Variants in PCDHA9 observed in about 807,000 individuals in gnomAD.
PCDHA9 encodes the protein protocadherin alpha-9.
PCDHA9 carries 62 observed loss-of-function variants against 62.0 expected under a neutral mutation model. That is an observed-to-expected ratio of 1.00 (90% CI 0.81 to 1.23). The LOEUF is 1.23. PCDHA9 is among the 50% of genes most tolerant of loss of function. PCDHA9 has a pLI of 0.00. For synonymous variants in PCDHA9, 557 were observed against 567.6 expected (o/e 0.98, Z 0.27); for missense variants, 1,205 against 1,249.8 (o/e 0.96, Z 0.54).
chr5:140,865,649 T>C (rs781986812), intron 1 of PCDHA9: 5 of 152,204 alleles, frequency 3.3e-5, no homozygotes, highest in Non-Finnish European at 5.9e-5. Flanking sequence ...AATACATTAT[T>C]TCATTTAATA....
chr5:140,919,847 G>A (rs1309572866), intron 1 of PCDHA9, among the ~76,000 whole-genome samples: 1 of 152,200 alleles, frequency 6.6e-6, no homozygotes, highest in East Asian at 1.9e-4. Flanking sequence ...TTTGGAACCT[G>A]TGACCTCATT....
At chr5:140,871,344 G>T in intron 1 of PCDHA9, 1 of 1,614,200 alleles carries the variant, frequency 6.2e-7, no homozygotes, top group Non-Finnish European at 8.5e-7. Context: ...TGGGGAGCTG[G>T]TCATACTCGC....
Position 140,966,695 on chromosome 5 carries a change from C to T in PCDHA9, c.2395-12254C>T, listed in dbSNP as rs2096038904. ...GGGTGGCACGAGCGGAGGCGGGGCC[C>T]GGGCGTGGGGCACGGCTGGGGAAGC... is the stretch of plus-strand genomic sequence containing the variant. On this transcript the variant is annotated intron_variant, in intron 1 of 3. Coordinates refer to ENST00000532602, the MANE Select transcript of PCDHA9 (RefSeq NM_031857.2). 4 of 1,358,486 alleles carry T rather than the reference C, an allele frequency of 2.9e-6. No individual in the cohort carries two copies. In the South Asian group the frequency reaches 5.2e-5, roughly 18 times the overall value. The allele number at this position is 1,358,486 out of a possible 1,614,324, so 84.2% of individuals were successfully genotyped here. A position where few individuals can be genotyped will look rare whatever the true frequency, so the allele number is the denominator to read the frequency against.
chr5:140,969,307 A>C (rs2096316993), intron 1 of PCDHA9: 1 of 1,614,192 alleles, frequency 6.2e-7, no homozygotes, highest in Non-Finnish European at 8.5e-7. Flanking sequence ...TTATTCTCAA[A>C]AATGAGGCTG....
chr5:140,917,151 G>A (rs974449842), intron 1 of PCDHA9, among the ~76,000 whole-genome samples: 1 of 152,160 alleles, frequency 6.6e-6, no homozygotes, highest in Non-Finnish European at 1.5e-5. Flanking sequence ...TGCTGCTGGG[G>A]GATATGGGAG....
chr5:141,000,415 ATATATATTTTTTT>A (rs1176788591), intron 3 of PCDHA9, among the ~76,000 whole-genome samples: 1 of 87,398 alleles, frequency 1.1e-5, no homozygotes, highest in Non-Finnish European at 2.1e-5. Flanking sequence ...ATATATATAT[ATATATATTTTTTT>A]TTTTTTTTTT....
chr5:140,967,367 C>A (rs1390450808), intron 1 of PCDHA9: 1 of 1,607,250 alleles, frequency 6.2e-7, no homozygotes, highest in Non-Finnish European at 8.5e-7. Flanking sequence ...TAAGCCCCTG[C>A]AGGAGAACAG....
At chr5:140,913,759 G>A (rs782668286) in intron 1 of PCDHA9, among the ~76,000 whole-genome samples, 1 of 151,994 alleles carries the variant, frequency 6.6e-6, no homozygotes, top group African/African-American at 2.4e-5. Context: ...GTATCTCATA[G>A]GTTTTGGCAT....
At chr5:140,992,152 A>G (rs1440263664) in intron 3 of PCDHA9, among the ~76,000 whole-genome samples, 2 of 152,004 alleles carry the variant, frequency 1.3e-5, no homozygotes, top group Non-Finnish European at 2.9e-5. Context: ...ACTTTGCTCA[A>G]TCAAGAAGTG....
intron 1 of PCDHA9, among the ~76,000 whole-genome samples, chr5:140,896,268 A>T (rs2065469707): frequency 6.6e-6 from 1 of 152,150 alleles, no homozygotes; most frequent in African/African-American, 2.4e-5. Context: ...CAGTTATGGG[A>T]TTTGCTGGCT....
Position 140,920,894 on chromosome 5 carries a change from T to G in PCDHA9, c.2395-58055T>G, listed in dbSNP as rs114918834. Among the ~76,000 whole-genome samples the G allele has an allele frequency of 2.6e-3, 390 of 151,496 alleles. 2 individuals carry two copies. The highest frequency in any genetic ancestry group is 9.2e-3 in the African/African-American group (379 of 41,284). Reference sequence around the variant, plus strand: ...GTGGCCCTTAGAACTTAAAGTCATATTTTGGTTCTCAAATCAGTTCCAAGA... The same window carrying G: ...GTGGCCCTTAGAACTTAAAGTCATAGTTTGGTTCTCAAATCAGTTCCAAGA... On this transcript the variant is annotated intron_variant, in intron 1 of 3. Coordinates refer to ENST00000532602, the MANE Select transcript of PCDHA9 (RefSeq NM_031857.2).
chr5:140,912,113 A>C (rs1477558453), intron 1 of PCDHA9, among the ~76,000 whole-genome samples: 3 of 152,182 alleles, frequency 2.0e-5, no homozygotes, highest in African/African-American at 7.2e-5. Flanking sequence ...GTAGGCTGGG[A>C]GGCTAAGTCA....
chr5:140,849,170 C>T lies in PCDHA9; in HGVS notation c.675C>T (p.Thr225=). 1.8e-6 allele frequency: 2 copies of T among 1,111,514 alleles called. No individual in the cohort carries two copies. Among genetic ancestry groups the T allele is most frequent in the East Asian group, 2.6e-5 (1 of 38,816 alleles). 68.9% of individuals were successfully genotyped at this position (1,111,514 alleles called of 1,614,324 possible). ...TDGGKPELTG[T]VQLLITVLDN... is the part of the protein sequence containing the mutation. Reference sequence around the variant, plus strand: ...GAGGCAAACCCGAGCTGACTGGCACCGTTCAATTACTCATCACGGTACTGG... The same window carrying T: ...GAGGCAAACCCGAGCTGACTGGCACTGTTCAATTACTCATCACGGTACTGG... Residue 225 remains threonine, a synonymous_variant, in exon 1 of 4, where the codon ACC becomes ACT. Coordinates refer to ENST00000532602, the MANE Select transcript of PCDHA9 (RefSeq NM_031857.2).
chr5:140,851,536 A>C (rs1051991921), intron 1 of PCDHA9: 1 of 906,438 alleles, frequency 1.1e-6, no homozygotes, highest in African/African-American at 1.8e-5. Context: ...GACAATGTAG[A>C]TAATTCAAGA....
intron 1 of PCDHA9, chr5:140,857,926 C>T (rs1351185942): frequency 1.3e-6 from 2 of 1,597,606 alleles, no homozygotes; most frequent in Non-Finnish European, 1.7e-6. Flanking sequence ...TGGGGCTGTA[C>T]ACGGGCGAGA....
intron 1 of PCDHA9, chr5:140,928,010 G>A: frequency 1.2e-6 from 2 of 1,614,168 alleles, no homozygotes; most frequent in Non-Finnish European, 1.7e-6. Context: ...GATTCTAATG[G>A]TAGGGTCATT....
At chr5:140,970,466 A>G (rs549761303) in intron 1 of PCDHA9, among the ~76,000 whole-genome samples, 51 of 152,334 alleles carry the variant, frequency 3.3e-4, no homozygotes, top group Non-Finnish European at 4.4e-4. Context: ...TTAAGTAGGT[A>G]TAAGGCCAGC....
At chr5:141,007,235 T>G (rs2098311065) in intron 3 of PCDHA9, among the ~76,000 whole-genome samples, 1 of 151,964 alleles carries the variant, frequency 6.6e-6, no homozygotes, top group Non-Finnish European at 1.5e-5. Context: ...GAAGGATTGT[T>G]GAGCTGAAGG....
rs782621350 is a variant in PCDHA9 at position 140,876,591 on chromosome 5, C to T, written c.2394+25702C>T. ...TGGGTACCGTCATTGCCCTGATTAG[C>T]GTGTCGGATCGTGACTCTGGAGCCA... On this transcript the variant is annotated intron_variant, in intron 1 of 3. Transcript: ENST00000532602. 9.5e-5 allele frequency: 153 copies of T among 1,614,058 alleles called. 1 individual carries two copies. The highest frequency in any genetic ancestry group is 8.2e-4 in the Middle Eastern group (5 of 6,082).
Sources: gnomAD v4.1 joint callset for allele counts (sites outside exome capture counted in the v4.1 genomes callset) on GRCh38, gnomAD v4.1.1 for gene constraint, MANE v1.5 for transcripts, NCBI Gene and HGNC (gene_info 2026-07-23, HGNC 2026-07-21) for gene names.